C2CD5: variants seen among roughly 807,000 people sequenced by gnomAD.
C2CD5 encodes C2 calcium dependent domain containing 5, also known as C2 domain-containing protein 5.
In C2CD5, 109 loss-of-function variants were observed where a neutral mutation model predicts 130.3. That is an observed-to-expected ratio of 0.84 (90% CI 0.72 to 0.98). C2CD5 has a LOEUF of 0.98. Among genes scored for constraint, C2CD5 ranks in the 50% least tolerant of loss-of-function variants. C2CD5 has a pLI of 0.00. For synonymous variants in C2CD5, 454 were observed against 429.2 expected, an observed-to-expected ratio of 1.06 and a Z score of -0.71; for missense variants, 996 against 1,261.8, an observed-to-expected ratio of 0.79 and a Z score of 3.19.
At chr12:22,466,532 C>G (rs1565660475) in intron 22 of C2CD5, among the ~76,000 whole-genome samples, 10 of 152,090 alleles carry the variant, frequency 6.6e-5, no homozygotes. Flanking sequence ...TTTCATGTTA[C>G]AACACGCAAT....
chr12:22,478,265 T>C, intron 15 of C2CD5, 48 bp downstream of exon 15: 1 of 1,468,430 alleles, frequency 6.8e-7, no homozygotes. Context: ...AAAAATATAC[T>C]AATAAACAAT....
chr12:22,540,963 A>T (rs991714680), intron 2 of C2CD5, among the ~76,000 whole-genome samples: 3 of 152,238 alleles, frequency 2.0e-5, no homozygotes, highest in Non-Finnish European at 4.4e-5. Context: ...AAAAAATATC[A>T]TGCCAGGATA....
chr12:22,474,705 T>C, intron 16 of C2CD5, 46 bp downstream of exon 16: 2 of 1,462,730 alleles, frequency 1.4e-6, no homozygotes, highest in East Asian at 2.4e-5. Context: ...AAAATGTGTA[T>C]CTTAGCTTCC....
chr12:22,512,766 A>G, intron 9 of C2CD5: 2 of 867,998 alleles, frequency 2.3e-6, no homozygotes, highest in East Asian at 2.8e-5. Context: ...CAATGAACAA[A>G]TATAGCTAAA....
At chr12:22,475,249 C>G (rs1389720013) in intron 15 of C2CD5, among the ~76,000 whole-genome samples, 1 of 152,008 alleles carries the variant, frequency 6.6e-6, no homozygotes, top group Non-Finnish European at 1.5e-5. Context: ...CCTAATAGGC[C>G]TTAAAAATTT....
chr12:22,493,097 G>T, intron 11 of C2CD5, 126 bp downstream of exon 11: 1 of 512,594 alleles, frequency 2.0e-6, no homozygotes, highest in Non-Finnish European at 3.5e-6. Context: ...TTAATCTAAT[G>T]TACTCCAAGG....
intron 9 of C2CD5, among the ~76,000 whole-genome samples, chr12:22,509,752 T>C (rs1486617208): frequency 6.6e-6 from 1 of 152,212 alleles, no homozygotes; most frequent in Non-Finnish European, 1.5e-5. Flanking sequence ...GGAAGTACTA[T>C]TATCTCCATT....
intron 2 of C2CD5, among the ~76,000 whole-genome samples, chr12:22,535,843 A>G (rs1012199821): frequency 1.3e-5 from 2 of 152,196 alleles, no homozygotes; most frequent in Non-Finnish European, 2.9e-5. Flanking sequence ...GGAGTTGTAG[A>G]ACAATCTCTA....
chr12:22,456,744 T>C (rs1939944842), intron 25 of C2CD5, among the ~76,000 whole-genome samples: 1 of 152,206 alleles, frequency 6.6e-6, no homozygotes, highest in South Asian at 2.1e-4. Flanking sequence ...TTATTTACTA[T>C]ATGATAAGGT....
At chr12:22,459,137 G>T (rs1000344849) in intron 23 of C2CD5, among the ~76,000 whole-genome samples, 1 of 152,074 alleles carries the variant, frequency 6.6e-6, no homozygotes, top group Non-Finnish European at 1.5e-5. Flanking sequence ...TTGTTTCCAT[G>T]TCTGATTTTG....
At chr12:22,537,280 T>C (rs1476351251) in intron 2 of C2CD5, among the ~76,000 whole-genome samples, 1 of 152,030 alleles carries the variant, frequency 6.6e-6, no homozygotes, top group Non-Finnish European at 1.5e-5. Context: ...CCAGGCAGGG[T>C]GGTGCGTGCC....
intron 15 of C2CD5, chr12:22,478,060 C>T (rs1304812079): frequency 2.3e-6 from 1 of 427,448 alleles, no homozygotes; most frequent in Non-Finnish European, 4.4e-6. Context: ...AAGATAAGAG[C>T]TATAGAAAAC....
At chr12:22,513,971 T>C (rs2136886577) in intron 8 of C2CD5, among the ~76,000 whole-genome samples, 1 of 152,290 alleles carries the variant, frequency 6.6e-6, no homozygotes, top group East Asian at 1.9e-4. Context: ...CATAAACTTT[T>C]TTTAAGTAAA....
intron 10 of C2CD5, among the ~76,000 whole-genome samples, chr12:22,497,863 C>T (rs999716192): frequency 6.6e-6 from 1 of 151,312 alleles, no homozygotes; most frequent in Non-Finnish European, 1.5e-5. Flanking sequence ...GTGCAATCTA[C>T]TCCATAATTG....
chr12:22,535,077 G>C, intron 3 of C2CD5, 181 bp downstream of exon 3: 1 of 561,170 alleles, frequency 1.8e-6, no homozygotes, highest in South Asian at 2.2e-5. Flanking sequence ...ATCATATACT[G>C]TATTTTCTTA....
chr12:22,536,869 AGAAAT>A, intron 2 of C2CD5, among the ~76,000 whole-genome samples: 1 of 152,204 alleles, frequency 6.6e-6, no homozygotes. Context: ...ACAATGATAA[AGAAAT>A]GAAACTTAAT....
intron 11 of C2CD5, among the ~76,000 whole-genome samples, chr12:22,492,982 T>C (rs1396743085): frequency 6.6e-6 from 1 of 152,192 alleles, no homozygotes; most frequent in Non-Finnish European, 1.5e-5. Flanking sequence ...GATTAATTGA[T>C]CTGTGGTATT....
At chr12:22,512,600 G>C (rs1949304603) in intron 9 of C2CD5, 1 of 1,239,786 alleles carries the variant, frequency 8.1e-7, no homozygotes, top group Non-Finnish European at 1.1e-6. Context: ...AAACTAGAAA[G>C]CTATCAATAC....
chr12:22,489,716 C>A (rs1565715193), intron 12 of C2CD5, among the ~76,000 whole-genome samples: 1 of 152,002 alleles, frequency 6.6e-6, no homozygotes, highest in Non-Finnish European at 1.5e-5. Context: ...AAATGCAGTA[C>A]TTTTACTATT....
Sources: allele counts gnomAD v4.1 joint callset (sites outside exome capture counted in the v4.1 genomes callset), GRCh38; gene constraint gnomAD v4.1.1; transcripts MANE v1.5; gene names NCBI Gene and HGNC (gene_info 2026-07-23, HGNC 2026-07-21).